The following BST1 variants were observed in gnomAD, a reference collection of about 807,000 sequenced individuals.
The protein encoded by BST1 is ADP-ribosyl cyclase/cyclic ADP-ribose hydrolase 2.
A neutral mutation model predicts 40.6 loss-of-function variants in BST1; 49 were observed. That is an observed-to-expected ratio of 1.21 (90% CI 0.96 to 1.53). BST1 has a LOEUF of 1.53. BST1 is among the 40% of genes most tolerant of loss of function. BST1 has a pLI of 0.00. For synonymous variants in BST1, 157 were observed against 159.3 expected, an observed-to-expected ratio of 0.99 and a Z score of 0.11; for missense variants, 423 against 395.9, an observed-to-expected ratio of 1.07 and a Z score of -0.58.
downstream of BST1, among the ~76,000 whole-genome samples, chr4:15,740,710 T>C (rs1446010394): frequency 6.6e-6 from 1 of 152,080 alleles, no homozygotes; most frequent in Admixed American, 6.5e-5. Context: ...AAATAAAATG[T>C]AATTTTATTT....
At chr4:15,725,139 A>T (rs139617235) in intron 8 of BST1, among the ~76,000 whole-genome samples, 5 of 152,196 alleles carry the variant, frequency 3.3e-5, no homozygotes, top group Non-Finnish European at 5.9e-5. Context: ...ATTTGATCCA[A>T]TGTGGGTAGG....
the BST1 span, among the ~76,000 whole-genome samples, chr4:15,746,282 T>C: frequency 2.0e-5 from 3 of 152,230 alleles, no homozygotes; most frequent in African/African-American, 7.2e-5. Context: ...CACCACACTG[T>C]TCTTTCTTTT....
At chr4:15,773,696 T>TGA in the BST1 span, among the ~76,000 whole-genome samples, 1 of 152,288 alleles carries the variant, frequency 6.6e-6, no homozygotes, top group Admixed American at 6.5e-5. Context: ...CTCAGGAGAC[T>TGA]GAGGCAGGAG....
the BST1 span, among the ~76,000 whole-genome samples, chr4:15,768,816 A>G: frequency 3.3e-5 from 5 of 152,134 alleles, no homozygotes; most frequent in African/African-American, 1.2e-4. Context: ...ATCTTTAATA[A>G]AACTGAATAC....
chr4:15,769,167 T>C, the BST1 span, among the ~76,000 whole-genome samples: 1 of 152,204 alleles, frequency 6.6e-6, no homozygotes, highest in South Asian at 2.1e-4. Context: ...AGCCAACAGA[T>C]GCTTGTTGAT....
the BST1 span, among the ~76,000 whole-genome samples, chr4:15,757,871 A>T: frequency 6.6e-6 from 1 of 151,938 alleles, no homozygotes; most frequent in Non-Finnish European, 1.5e-5. Flanking sequence ...TGAACTCCCG[A>T]CCTCAGGTGA....
At chr4:15,717,102 G>A (rs1720558671) in intron 6 of BST1, among the ~76,000 whole-genome samples, 1 of 152,022 alleles carries the variant, frequency 6.6e-6, no homozygotes, top group Non-Finnish European at 1.5e-5. Context: ...TTAACAACAC[G>A]TTCACTTATC....
rs369662378 is a variant in BST1, at chr4:15,715,247, C to T, written c.535-38C>T. On this transcript the variant is annotated intron_variant, in intron 4 of 8. Transcript: ENST00000265016. ...CACATTTCATAGCAGAAAAATGTCA[C>T]GTCTTTATTTGCTAAAAATACTTGG... 76 of 1,575,880 alleles carry T rather than the reference C, an allele frequency of 4.8e-5. No homozygotes were observed. The Admixed American group carries it at 1.1e-3, about 23-fold the overall frequency.
At chr4:15,728,789 G>A (rs1162651227) in intron 8 of BST1, among the ~76,000 whole-genome samples, 1 of 151,968 alleles carries the variant, frequency 6.6e-6, no homozygotes, top group Non-Finnish European at 1.5e-5. Context: ...GGGCCCACAG[G>A]TGTGAGCTAC....
chr4:15,772,391 G>T, the BST1 span, among the ~76,000 whole-genome samples: 6 of 152,166 alleles, frequency 3.9e-5, no homozygotes, highest in African/African-American at 9.7e-5. Flanking sequence ...GAAATTAACA[G>T]AAATGAATCC....
chr4:15,742,451 G>A (rs1377748263), downstream of BST1, among the ~76,000 whole-genome samples: 1 of 152,188 alleles, frequency 6.6e-6, no homozygotes, highest in African/African-American at 2.4e-5. Flanking sequence ...ATGAGTCGAA[G>A]CAGCCTGAGG....
chr4:15,766,418 G>C, the BST1 span, among the ~76,000 whole-genome samples: 1 of 151,942 alleles, frequency 6.6e-6, no homozygotes, highest in South Asian at 2.1e-4. Flanking sequence ...GCTGACTTTT[G>C]ATGAACTCCT....
the BST1 span, among the ~76,000 whole-genome samples, chr4:15,764,977 C>T: frequency 6.6e-6 from 1 of 151,756 alleles, no homozygotes; most frequent in Non-Finnish European, 1.5e-5. Flanking sequence ...CCACCACCAA[C>T]CAGCTAGGTA....
At chr4:15,715,859 A>G (rs1720489236) in intron 6 of BST1, 60 bp downstream of exon 6, 1 of 1,257,136 alleles carries the variant, frequency 8.0e-7, no homozygotes, top group East Asian at 2.6e-5. Context: ...TGTATATAAT[A>G]TGATAAAGTT....
chr4:15,707,435 G>T (rs1335717709), intron 2 of BST1, 76 bp from the exon 3 acceptor site: 2 of 1,587,574 alleles, frequency 1.3e-6, no homozygotes, highest in African/African-American at 2.7e-5. Context: ...TGCCCAACTT[G>T]CCTTGATGAT....
the BST1 span, among the ~76,000 whole-genome samples, chr4:15,761,840 T>C: frequency 6.6e-6 from 1 of 152,108 alleles, no homozygotes; most frequent in South Asian, 2.1e-4. Context: ...AATGAATGAA[T>C]GAGTGAGCTT....
chr4:15,710,277 TTTTTAA>T (rs147775792), intron 3 of BST1, among the ~76,000 whole-genome samples: 131 of 152,260 alleles, frequency 8.6e-4, no homozygotes, highest in African/African-American at 1.1e-3. Context: ...CTTGGTGCTT[TTTTTAA>T]TTTTAATTTT....
the BST1 span, among the ~76,000 whole-genome samples, chr4:15,745,200 G>A: frequency 6.6e-6 from 1 of 152,080 alleles, no homozygotes; most frequent in African/African-American, 2.4e-5. Flanking sequence ...AAATCAAGGT[G>A]TCACATTAAG....
chr4:15,748,462 A>C, the BST1 span, among the ~76,000 whole-genome samples: 1 of 152,166 alleles, frequency 6.6e-6, no homozygotes, highest in Non-Finnish European at 1.5e-5. Flanking sequence ...ATGGGAATCT[A>C]GGGGTTCAAG....
Sources: allele counts gnomAD v4.1 joint callset (sites outside exome capture counted in the v4.1 genomes callset), GRCh38; gene constraint gnomAD v4.1.1; transcripts MANE v1.5; gene names NCBI Gene and HGNC (gene_info 2026-07-23, HGNC 2026-07-21).